COL11A2: variants seen among roughly 807,000 people sequenced by gnomAD.
The protein encoded by COL11A2 is collagen alpha-2(XI) chain.
In COL11A2, 116 loss-of-function variants were observed where a neutral mutation model predicts 273.4. The ratio of observed to expected loss-of-function variants is 0.42; its 90% confidence interval spans 0.36 to 0.49. The LOEUF (loss-of-function observed/expected upper bound fraction) is 0.49. Among genes scored for constraint, COL11A2 ranks in the 20% least tolerant of loss-of-function variants. The probability of loss-of-function intolerance (pLI) is 0.00; values close to 1 mark genes in which losing one functional copy is unlikely to be tolerated. For synonymous variants in COL11A2, 782 were observed against 864.2 expected, an observed-to-expected ratio of 0.90 and a Z score of 1.67; for missense variants, 1,866 against 2,309.0, an observed-to-expected ratio of 0.81 and a Z score of 3.93.
Position 33,172,361 on chromosome 6 carries a change from AG to A in COL11A2, c.2915del (p.Pro972LeufsTer12). On this transcript the variant is annotated frameshift_variant, in exon 40 of 66. Transcript: ENST00000341947. LOFTEE classifies it high-confidence loss of function. ...CAGGACCATCCTTCCCTGGGGCCCC[AG>A]GGGGACCAGGGTCACCCTAAAAGGA... ...KEGTKGDPGP[P>X]GAPGKDGPAG... The A allele has an allele frequency of 6.3e-7, 1 of 1,586,868 alleles. No individual in the cohort carries two copies. The highest frequency in any genetic ancestry group is 8.6e-7 in the Non-Finnish European group (1 of 1,167,178).
rs2150573392 is a variant in COL11A2 at position 33,177,582 on chromosome 6, G to A, written c.1917+80C>T. The A allele has an allele frequency of 5.6e-6, 9 of 1,594,124 alleles. No individual in the cohort carries two copies. The South Asian group carries it at 9.9e-5, about 18-fold the overall frequency. On this transcript the variant is annotated intron_variant, in intron 22 of 65. Transcript: ENST00000341947. The surrounding 1 kb of genome is among the most constrained non-coding windows in gnomAD (Gnocchi z 5.9). ...AGGCAAGAGCAGGAAGCAGGCAGGG[G>A]TCAAAATGGCGGCCAACAGGATGCT...
At position 33,190,170 on chromosome 6, in the gene COL11A2, C is replaced by T. The variant is rs1772943732; in HGVS notation, c.83-701G>A. ...AAGAAAGCTCTCCCAGGAGTCTGTG[C>T]CTCCTGGTTTAGGAGATGAGTTGGG... is the stretch of plus-strand genomic sequence containing the variant. On this transcript the variant is annotated intron_variant, in intron 1 of 65. Transcript: ENST00000341947. This position sits in a 1 kb window ranked among gnomAD's most constrained non-coding sequence, Gnocchi z 4.5. 6.6e-6 allele frequency among the ~76,000 whole-genome samples: 1 copy of T among 152,028 alleles called. No individual in the cohort carries two copies. Among genetic ancestry groups the T allele is most frequent in the Non-Finnish European group, 1.5e-5 (1 of 67,988 alleles).
chr6:33,186,952 T>A, intron 4 of COL11A2, 134 bp from the exon 5 acceptor site: 3 of 1,163,736 alleles, frequency 2.6e-6, no homozygotes, highest in Non-Finnish European at 3.8e-6. Flanking sequence ...GTCCTCCATA[T>A]GCATAGCCCT....
intron 7 of COL11A2, 39 bp from the exon 8 acceptor site, chr6:33,184,363 G>A: frequency 7.5e-7 from 1 of 1,328,848 alleles, no homozygotes; most frequent in East Asian, 4.6e-5. Flanking sequence ...AGATGGGGAT[G>A]TTAGGGCTGA....
In COL11A2 at chr6:33,173,218, C is replaced by G; in HGVS notation, c.2737-105G>C. On this transcript the variant is annotated intron_variant, in intron 37 of 65. Coordinates refer to ENST00000341947, the MANE Select transcript of COL11A2 (RefSeq NM_080680.3). This position sits in a 1 kb window ranked among gnomAD's most constrained non-coding sequence, Gnocchi z 6.3. The stretch of plus-strand genomic sequence containing the variant: ...GCAGGATCACACCAAGCCCTGGGCC[C>G]TGGGTCTGAGCAGCACCAGGGCAGG... 6.5e-7 allele frequency: 1 copy of G among 1,537,258 alleles called. No individual in the cohort carries two copies. Among genetic ancestry groups the G allele is most frequent in the Non-Finnish European group, 8.9e-7 (1 of 1,125,116 alleles).
Position 33,168,568 on chromosome 6 carries a change from G to T in COL11A2, c.3911C>A (p.Ser1304Tyr), listed in dbSNP as rs1769534939. The change falls in exon 54 of 66, where the codon TCC becomes TAC. Residue 1304 changes from serine (S) to tyrosine (Y), a missense_variant. Transcript: ENST00000341947. ...GEDGEPGQPG[S>Y]PGPTGENGPP... is the part of the protein sequence containing the mutation. ...TCCATTCTCCCCGGTGGGACCAGGG[G>T]ATCCCTAGGGAGAGAGGAATTGGGG... 3 of 1,613,598 alleles carry T rather than the reference G, an allele frequency of 1.9e-6. No individual in the cohort carries two copies. The highest frequency in any genetic ancestry group is 1.7e-6 in the Non-Finnish European group (2 of 1,179,810).
chr6:33,170,583 C>T lies in COL11A2; in HGVS notation c.3502G>A (p.Gly1168Arg), dbSNP rs996515597. The T allele has an allele frequency of 6.2e-7, 1 of 1,612,238 alleles. No individual in the cohort carries two copies. The highest frequency in any genetic ancestry group is 8.5e-7 in the Non-Finnish European group (1 of 1,179,800). The change falls in exon 47 of 66, where the codon GGA becomes AGA. Residue 1168 changes from glycine (G) to arginine (R), a missense_variant. Coordinates refer to ENST00000341947, the MANE Select transcript of COL11A2 (RefSeq NM_080680.3). The surrounding 1 kb of genome is among the most constrained non-coding windows in gnomAD (Gnocchi z 4.3). Reference protein sequence around the residue: ...QGLPGPSGEKGETGDVGPMGP... With the variant: ...QGLPGPSGEKRETGDVGPMGP... Reference sequence around the variant, plus strand: ...ATAGGACCCACATCTCCTGTTTCTCCCTTCTCCCCAGAGGGGCCTGGCAAA... The same window carrying T: ...ATAGGACCCACATCTCCTGTTTCTCTCTTCTCCCCAGAGGGGCCTGGCAAA...
Position 33,190,964 on chromosome 6 carries a change from C to T in COL11A2, c.82+1195G>A, listed in dbSNP as rs1773039336. Among the ~76,000 whole-genome samples, 1 of 152,174 alleles carries T rather than the reference C, an allele frequency of 6.6e-6. No homozygotes were observed. Among genetic ancestry groups the T allele is most frequent in the African/African-American group, 2.4e-5 (1 of 41,416 alleles). ...AGCCTCATCTGCCCCACAGGCTCTC[C>T]ACTGGTAGCCCCATTACCCTCCACC... is the stretch of plus-strand genomic sequence containing the variant. On this transcript the variant is annotated intron_variant, in intron 1 of 65. Coordinates refer to ENST00000341947, the MANE Select transcript of COL11A2 (RefSeq NM_080680.3). This position sits in a 1 kb window ranked among gnomAD's most constrained non-coding sequence, Gnocchi z 4.5.
Position 33,164,702 on chromosome 6 carries a change from G to A in COL11A2, c.4863+150C>T. ...TGAGCATCAGAGGACCGGTGAAAAG[G>A]AAAAGAAGAAAGAGCTAAGAAGTGG... is the stretch of plus-strand genomic sequence containing the variant. On this transcript the variant is annotated intron_variant, in intron 64 of 65. Coordinates refer to ENST00000341947, the MANE Select transcript of COL11A2 (RefSeq NM_080680.3). This position sits in a 1 kb window ranked among gnomAD's most constrained non-coding sequence, Gnocchi z 4.7. 1 of 735,740 alleles carries A rather than the reference G, an allele frequency of 1.4e-6. No homozygotes were observed. The highest frequency in any genetic ancestry group is 2.7e-5 in the East Asian group (1 of 36,848). 45.6% of individuals were successfully genotyped at this position (735,740 alleles called of 1,614,324 possible). A position where few individuals can be genotyped will look rare whatever the true frequency, so the allele number is the denominator to read the frequency against.
rs199869383 is a variant in COL11A2 at position 33,179,305 on chromosome 6, T to A, written c.1504-21A>T. The A allele has an allele frequency of 2.2e-3, 3,507 of 1,606,186 alleles. 93 individuals carry two copies. The South Asian group carries it at 0.033, about 15-fold the overall frequency. ...TGGCCCTGGGAGAGAGAAGAGAGGATGGCCGTAAGGAAGGACACAGCCAAC... is the reference window on the plus strand; with the variant it reads ...TGGCCCTGGGAGAGAGAAGAGAGGAAGGCCGTAAGGAAGGACACAGCCAAC... On this transcript the variant is annotated intron_variant, in intron 14 of 65. Coordinates refer to ENST00000341947, the MANE Select transcript of COL11A2 (RefSeq NM_080680.3). This position sits in a 1 kb window ranked among gnomAD's most constrained non-coding sequence, Gnocchi z 6.4.
At position 33,189,256 on chromosome 6, in the gene COL11A2, G is replaced by T; in HGVS notation, c.232+64C>A. 1 of 1,613,470 alleles carries T rather than the reference G, an allele frequency of 6.2e-7. No individual in the cohort carries two copies. Among genetic ancestry groups the T allele is most frequent in the Non-Finnish European group, 8.5e-7 (1 of 1,179,538 alleles). ...AGCCGCCACAACCCCTTTCCTCCTG[G>T]TGTCTGATCCTAGGCCCCATCCCAT... is the stretch of plus-strand genomic sequence containing the variant. On this transcript the variant is annotated intron_variant, in intron 2 of 65. Coordinates refer to ENST00000341947, the MANE Select transcript of COL11A2 (RefSeq NM_080680.3). This position sits in a 1 kb window ranked among gnomAD's most constrained non-coding sequence, Gnocchi z 5.6.
At chr6:33,185,198 C>T (rs1772239138) in intron 6 of COL11A2, 144 bp from the exon 7 acceptor site, 1 of 709,632 alleles carries the variant, frequency 1.4e-6, no homozygotes, top group Non-Finnish European at 2.6e-6. Flanking sequence ...GATCTTGCAG[C>T]CCCTTTGGAG....
Position 33,186,768 on chromosome 6 carries a change from T to C in COL11A2, c.657A>G (p.Glu219=), listed in dbSNP as rs754169341. The C allele has an allele frequency of 6.8e-6, 11 of 1,614,000 alleles. No homozygotes were observed. The South Asian group carries it at 1.1e-4, about 16-fold the overall frequency. The change falls in exon 5 of 66, where the codon GAA becomes GAG. Residue 219 remains glutamate (E), a synonymous_variant. Transcript: ENST00000341947. ...AIVPGVQAAY[E]SCEQKELECE... ...ATTCCAGCTCCTTCTGTTCACATGA[T>C]TCATAGGCTGCCTGGACCCCTGGGA...
rs1769416834 is a variant in COL11A2 at position 33,167,912 on chromosome 6, C to T, written c.3961-60G>A. On this transcript the variant is annotated intron_variant, in intron 54 of 65. Transcript: ENST00000341947. This position sits in a 1 kb window ranked among gnomAD's most constrained non-coding sequence, Gnocchi z 6.1. The stretch of plus-strand genomic sequence containing the variant: ...CCGTGGGCAGCCAGGCTCAACTCTT[C>T]CCCCTTCCTGTCCTAGACACACACA... The T allele has an allele frequency of 5.0e-6, 8 of 1,585,578 alleles. No individual in the cohort carries two copies. In the Admixed American group the frequency reaches 1.2e-4, roughly 24 times the overall value.
At chr6:33,188,238 GA>G in intron 4 of COL11A2, 123 bp downstream of exon 4, 3 of 1,202,160 alleles carry the variant, frequency 2.5e-6, no homozygotes, top group African/African-American at 1.5e-5. Flanking sequence ...AAATAGAAAT[GA>G]AAATTCATAA....
rs537136060 is a variant in COL11A2, at chr6:33,165,899, G to A, written c.4482+32C>T. On this transcript the variant is annotated intron_variant, in intron 62 of 65. Coordinates refer to ENST00000341947, the MANE Select transcript of COL11A2 (RefSeq NM_080680.3). The surrounding 1 kb of genome is among the most constrained non-coding windows in gnomAD (Gnocchi z 7.7). Reference sequence around the variant, plus strand: ...TGGCAGCAGTGGAGCAGAGGGGTACGGCCCTGGGAGCAGCCCTGACTCCTC... The same window carrying A: ...TGGCAGCAGTGGAGCAGAGGGGTACAGCCCTGGGAGCAGCCCTGACTCCTC... 22 of 1,613,560 alleles carry A rather than the reference G, an allele frequency of 1.4e-5. No individual in the cohort carries two copies. Among genetic ancestry groups the A allele is most frequent in the East Asian group, 4.5e-5 (2 of 44,862 alleles).
chr6:33,173,378 C>G lies in COL11A2; in HGVS notation c.2706G>C (p.Leu902=). 2 of 1,612,978 alleles carry G rather than the reference C, an allele frequency of 1.2e-6. No homozygotes were observed. Among genetic ancestry groups the G allele is most frequent in the Middle Eastern group, 3.3e-4 (2 of 6,062 alleles). Residue 902 remains leucine (L), a synonymous_variant, in exon 37 of 66, where the codon CTG becomes CTC. Coordinates refer to ENST00000341947, the MANE Select transcript of COL11A2 (RefSeq NM_080680.3). The surrounding 1 kb of genome is among the most constrained non-coding windows in gnomAD (Gnocchi z 6.3). ...CTCCTCTTTGGCCTGGGTGTCCCGG[C>G]AGCCCATCCTTCCCAGGGGGGCCCT... The part of the protein sequence containing the change: ...GPPGPPGKDG[L]PGHPGQRGEV...
rs760554412 is a variant in COL11A2 at position 33,169,522 on chromosome 6, A to G, written c.3691-32T>C. 6.2e-7 allele frequency: 1 copy of G among 1,602,678 alleles called. No individual in the cohort carries two copies. Among genetic ancestry groups the G allele is most frequent in the Admixed American group, 1.7e-5 (1 of 60,002 alleles). ...AACAAGCGGAGGACACAGATGGCCC[A>G]GGGAATCTTGAAGATCAGGGATGCA... On this transcript the variant is annotated intron_variant, in intron 50 of 65. Coordinates refer to ENST00000341947, the MANE Select transcript of COL11A2 (RefSeq NM_080680.3). The surrounding 1 kb of genome is among the most constrained non-coding windows in gnomAD (Gnocchi z 5.5).
chr6:33,178,358 G>C lies in COL11A2; in HGVS notation c.1774-6C>G. ...CCAATCTCCCCGTCATCTCCCTGGA[G>C]GAGGAGGACACGGTAAAGCTGCTGT... On this transcript the variant is annotated splice_region_variant and splice_polypyrimidine_tract_variant and intron_variant, in intron 19 of 65. Coordinates refer to ENST00000341947, the MANE Select transcript of COL11A2 (RefSeq NM_080680.3). The surrounding 1 kb of genome is among the most constrained non-coding windows in gnomAD (Gnocchi z 4.6). The C allele has an allele frequency of 6.2e-7, 1 of 1,612,814 alleles. No individual in the cohort carries two copies. The highest frequency in any genetic ancestry group is 8.5e-7 in the Non-Finnish European group (1 of 1,179,938).
Sources: allele counts gnomAD v4.1 joint callset (sites outside exome capture counted in the v4.1 genomes callset), GRCh38; gene constraint gnomAD v4.1.1; non-coding constraint Gnocchi (gnomAD v3.1); transcripts MANE v1.5; gene names NCBI Gene and HGNC (gene_info 2026-07-23, HGNC 2026-07-21).